TMEM268: variants seen among roughly 807,000 people sequenced by gnomAD.
TMEM268 encodes the protein transmembrane protein 268, also known as transmembrane protein C9orf91.
A neutral mutation model predicts 39.1 loss-of-function variants in TMEM268; 24 were observed. The observed-to-expected ratio is 0.61, with a 90% CI of 0.44 to 0.86. TMEM268 has a LOEUF of 0.86. Among genes scored for constraint, TMEM268 ranks in the 40% least tolerant of loss-of-function variants. The pLI is 0.00. For missense variants in TMEM268, 409 were observed against 428.6 expected (o/e 0.95, Z 0.40); for synonymous variants, 176 against 173.5 (o/e 1.01, Z -0.12).
chr9:114,633,143 A>C (rs2418312), intron 5 of TMEM268, among the ~76,000 whole-genome samples: 2 of 150,558 alleles, frequency 1.3e-5, no homozygotes, highest in African/African-American at 4.9e-5. Context: ...CTACAGGTGG[A>C]TGCTAACATG....
intron 1 of TMEM268, among the ~76,000 whole-genome samples, chr9:114,616,215 C>A (rs1402847698): frequency 6.6e-6 from 1 of 151,270 alleles, no homozygotes; most frequent in East Asian, 2.0e-4. Flanking sequence ...CGGGGTTTCC[C>A]CATGTTAGCC....
intron 8 of TMEM268, among the ~76,000 whole-genome samples, chr9:114,642,769 C>A (rs917416429): frequency 6.6e-6 from 1 of 152,260 alleles, no homozygotes; most frequent in Non-Finnish European, 1.5e-5. Context: ...GTTTGAACAA[C>A]CATGCCTGGC....
chr9:114,632,416 A>G (rs183100990), intron 5 of TMEM268, among the ~76,000 whole-genome samples: 14 of 152,284 alleles, frequency 9.2e-5, no homozygotes, highest in African/African-American at 3.4e-4. Flanking sequence ...CCTTTTGAGA[A>G]CTATTATTCT....
At chr9:114,605,435 G>A in the TMEM268 span, among the ~76,000 whole-genome samples, 2 of 152,108 alleles carry the variant, frequency 1.3e-5, no homozygotes, top group African/African-American at 4.8e-5. Flanking sequence ...GTGGTTCAGG[G>A]AGATCTAGAA....
chr9:114,614,406 ATTTGG>A (rs1845621726), intron 1 of TMEM268, among the ~76,000 whole-genome samples: 1 of 152,226 alleles, frequency 6.6e-6, no homozygotes. Context: ...AGCCCCTCCC[ATTTGG>A]TTTAATGCTG....
chr9:114,623,911 C>T (rs1245865588), intron 2 of TMEM268, among the ~76,000 whole-genome samples: 1 of 152,224 alleles, frequency 6.6e-6, no homozygotes, highest in Admixed American at 6.5e-5. Context: ...TACTTAGACT[C>T]TCTGAGCCTA....
chr9:114,611,554 CGGCGCG>C lies in TMEM268; in HGVS notation c.-84_-79del. 1 of 167,718 alleles carries C rather than the reference CGGCGCG, an allele frequency of 6.0e-6. No individual in the cohort carries two copies. Among genetic ancestry groups the C allele is most frequent in the Non-Finnish European group, 1.2e-5 (1 of 82,716 alleles). 10.4% of individuals were successfully genotyped at this position (167,718 alleles called of 1,614,324 possible). A position where few individuals can be genotyped will look rare whatever the true frequency, so the allele number is the denominator to read the frequency against. ...GGGGTGGCGGCGGCGGCGGCGGCGG[CGGCGCG>C]GGCGGTGAGTGTGCGCGGGCCCGGG... On this transcript the variant is annotated 5_prime_UTR_variant, in exon 1 of 9. Transcript: ENST00000288502.
Position 114,630,381 on chromosome 9 carries a change from G to A in TMEM268, c.474+2131G>A, listed in dbSNP as rs140907047. On this transcript the variant is annotated intron_variant, in intron 5 of 8. Coordinates refer to ENST00000288502, the MANE Select transcript of TMEM268 (RefSeq NM_153045.4). ...ATGCGCAAGGCTTGTGTGCAGCATG[G>A]AGGTCTCAGGTGCATCCTGGCAATG... is the stretch of plus-strand genomic sequence containing the variant. Among the ~76,000 whole-genome samples, 409 of 152,356 alleles carry A rather than the reference G, an allele frequency of 2.7e-3. 1 individual carries two copies. Among genetic ancestry groups the A allele is most frequent in the Non-Finnish European group, 5.0e-3 (337 of 68,032 alleles).
intron 8 of TMEM268, among the ~76,000 whole-genome samples, chr9:114,641,373 A>G (rs1195727607): frequency 2.0e-5 from 3 of 152,208 alleles, no homozygotes; most frequent in Non-Finnish European, 4.4e-5. Flanking sequence ...AGACATACCT[A>G]GCGTAACCCA....
chr9:114,609,347 G>T (rs1217626630), upstream of TMEM268, among the ~76,000 whole-genome samples: 1 of 146,638 alleles, frequency 6.8e-6, no homozygotes. Context: ...AAACAAACAA[G>T]CATGTACATT....
At chr9:114,635,998 T>C (rs1215959701) in intron 6 of TMEM268, among the ~76,000 whole-genome samples, 3 of 152,204 alleles carry the variant, frequency 2.0e-5, no homozygotes, top group South Asian at 2.1e-4. Context: ...GGGAGACTAG[T>C]TGGCAAGAAG....
At chr9:114,621,254 A>G (rs2133619425) in intron 2 of TMEM268, among the ~76,000 whole-genome samples, 1 of 150,970 alleles carries the variant, frequency 6.6e-6, no homozygotes, top group African/African-American at 2.4e-5. Flanking sequence ...CTGACGTGGG[A>G]GGATTGCTTG....
intron 1 of TMEM268, among the ~76,000 whole-genome samples, chr9:114,612,289 AAG>A (rs1226017999): frequency 6.6e-6 from 1 of 152,144 alleles, no homozygotes; most frequent in African/African-American, 2.4e-5. Flanking sequence ...CGGGCTGAAA[AAG>A]AGGGGAGTTG....
rs1827471693 is a variant in TMEM268, at chr9:114,644,082, T to C, written c.*769T>C. On this transcript the variant is annotated 3_prime_UTR_variant, in exon 9 of 9. Transcript: ENST00000288502. ...TATATTACAGATGTAGAACAATGGT[T>C]ATGTTTCCCGACATGAACATTGTCC... The C allele has an allele frequency of 6.6e-6, 1 of 152,344 alleles. No homozygotes were observed. Among genetic ancestry groups the C allele is most frequent in the Non-Finnish European group, 1.5e-5 (1 of 68,056 alleles). 9.4% of individuals were successfully genotyped at this position (152,344 alleles called of 1,614,324 possible).
chr9:114,605,901 T>A, the TMEM268 span, among the ~76,000 whole-genome samples: 1 of 151,832 alleles, frequency 6.6e-6, no homozygotes, highest in East Asian at 1.9e-4. Context: ...ACTGCACTCC[T>A]GCCTGGGTAA....
intron 7 of TMEM268, among the ~76,000 whole-genome samples, 174 bp from the exon 8 acceptor site, chr9:114,638,370 A>T (rs1344330139): frequency 6.6e-6 from 1 of 152,228 alleles, no homozygotes; most frequent in Non-Finnish European, 1.5e-5. Context: ...AGAGCTATTA[A>T]TGACCATCTG....
At chr9:114,609,406 C>A (rs558558416), upstream of TMEM268, among the ~76,000 whole-genome samples, 1 of 152,284 alleles carries the variant, frequency 6.6e-6, no homozygotes, top group Non-Finnish European at 1.5e-5. Context: ...TGGTGGCTTG[C>A]ACGTGTAATC....
chr9:114,627,088 GT>G (rs1846194793), intron 4 of TMEM268, 82 bp downstream of exon 4: 2 of 1,017,434 alleles, frequency 2.0e-6, no homozygotes, highest in Admixed American at 3.6e-5. Flanking sequence ...CTTGGAGCCT[GT>G]TGGTGTGGGT....
rs757117308 is a variant in TMEM268, at chr9:114,638,606, A to C, written c.729A>C (p.Ala243=). The C allele has an allele frequency of 3.1e-6, 5 of 1,609,396 alleles. No homozygotes were observed. In the Admixed American group the frequency reaches 8.4e-5, roughly 27 times the overall value. The change falls in exon 8 of 9, where the codon GCA becomes GCC. Residue 243 remains alanine, a synonymous_variant. Coordinates refer to ENST00000288502, the MANE Select transcript of TMEM268 (RefSeq NM_153045.4). The stretch of plus-strand genomic sequence containing the variant: ...TCATGGAGACTGGGGTGAGCCCTGC[A>C]ACAGCGGAGGGGCCTGAGAACTTGG... ...CVVMETGVSP[A]TAEGPENLED...
Sources: gnomAD v4.1 joint callset for allele counts (sites outside exome capture counted in the v4.1 genomes callset) on GRCh38, gnomAD v4.1.1 for gene constraint, MANE v1.5 for transcripts, NCBI Gene and HGNC (gene_info 2026-07-23, HGNC 2026-07-21) for gene names.